TAF5L: variants seen among roughly 807,000 people sequenced by gnomAD.
TAF5L encodes TAF5-like RNA polymerase II p300/CBP-associated factor-associated factor 65 kDa subunit 5L.
In TAF5L, 7 loss-of-function variants were observed where a neutral mutation model predicts 51.3. The observed-to-expected ratio is 0.14, with a 90% CI of 0.08 to 0.26. TAF5L has a LOEUF of 0.26. TAF5L is among the 10% of genes least tolerant of loss of function. The pLI, the probability that TAF5L is intolerant of heterozygous loss-of-function variation, is 1.00. For synonymous variants in TAF5L, 291 were observed against 308.1 expected, an observed-to-expected ratio of 0.94 and a Z score of 0.58; for missense variants, 575 against 758.9, an observed-to-expected ratio of 0.76 and a Z score of 2.85.
intron 3 of TAF5L, among the ~76,000 whole-genome samples, chr1:229,605,433 G>A (rs1223795151): frequency 6.6e-6 from 1 of 152,124 alleles, no homozygotes; most frequent in Non-Finnish European, 1.5e-5. Context: ...TAGGTTAGGT[G>A]GAAGTATGAA....
intron 3 of TAF5L, chr1:229,606,059 A>G (rs1385011452): frequency 2.5e-6 from 2 of 811,758 alleles, no homozygotes; most frequent in African/African-American, 3.7e-5. Context: ...ATTTCAATTG[A>G]GTAAGTTTAG....
At chr1:229,609,996 C>T in intron 3 of TAF5L, 110 bp downstream of exon 3, 12 of 826,460 alleles carry the variant, frequency 1.5e-5, no homozygotes, top group Admixed American at 8.5e-5. Flanking sequence ...TTTAATTTTT[C>T]TTTTTACCGC....
intron 4 of TAF5L, among the ~76,000 whole-genome samples, chr1:229,597,411 G>A (rs984159023): frequency 1.3e-4 from 20 of 152,222 alleles, no homozygotes; most frequent in African/African-American, 4.1e-4. Flanking sequence ...TGGTGGAAAC[G>A]TGTCCAGCTG....
chr1:229,606,301 TG>T (rs1431408006), intron 3 of TAF5L: 14 of 825,798 alleles, frequency 1.7e-5, no homozygotes, highest in Non-Finnish European at 1.8e-5. Context: ...TGTATTTTAC[TG>T]AAAGTGTACT....
chr1:229,600,041 CTATTT>C (rs1268543587), intron 4 of TAF5L: 1 of 982,080 alleles, frequency 1.0e-6, no homozygotes, highest in African/African-American at 1.8e-5. Flanking sequence ...TTAAGAGTCT[CTATTT>C]TATTTTTTTT....
At chr1:229,607,021 T>G in intron 3 of TAF5L, 1 of 985,444 alleles carries the variant, frequency 1.0e-6, no homozygotes, top group Non-Finnish European at 1.2e-6. Context: ...TTATTACAAG[T>G]CTTTATCTTT....
At position 229,606,296 on chromosome 1, in the gene TAF5L, T is replaced by C. The variant is rs920460694; in HGVS notation, c.248-3377A>G. On this transcript the variant is annotated intron_variant, in intron 3 of 4. Transcript: ENST00000258281. ...CCTTGCAATCTAACATACTCTGTAT[T>C]TTACTGAAAGTGTACTCACTTAAAA... is the stretch of plus-strand genomic sequence containing the variant. 2.2e-5 allele frequency: 18 copies of C among 829,438 alleles called. No individual in the cohort carries two copies. The East Asian group carries it at 8.6e-4, about 40-fold the overall frequency. 51.4% of individuals were successfully genotyped at this position (829,438 alleles called of 1,614,324 possible). A position where few individuals can be genotyped will look rare whatever the true frequency, so the allele number is the denominator to read the frequency against.
intron 3 of TAF5L, among the ~76,000 whole-genome samples, chr1:229,608,226 G>A (rs1253774480): frequency 6.6e-6 from 1 of 152,076 alleles, no homozygotes; most frequent in African/African-American, 2.4e-5. Flanking sequence ...TGGAGAAAAT[G>A]GTCAAAATAT....
intron 4 of TAF5L, 28 bp from the exon 5 acceptor site, chr1:229,595,122 A>C: frequency 6.5e-7 from 1 of 1,540,274 alleles, no homozygotes; most frequent in Non-Finnish European, 8.7e-7. Flanking sequence ...GGGTGGGAAA[A>C]GAAACACACA....
chr1:229,619,153 A>G (rs1219478940), intron 1 of TAF5L, among the ~76,000 whole-genome samples: 3 of 152,264 alleles, frequency 2.0e-5, no homozygotes, highest in Admixed American at 6.5e-5. Flanking sequence ...TGGTTGTAAC[A>G]TCAAAAGATC....
At chr1:229,595,853 T>C (rs1019921577) in intron 4 of TAF5L, among the ~76,000 whole-genome samples, 7 of 152,110 alleles carry the variant, frequency 4.6e-5, no homozygotes, top group African/African-American at 1.7e-4. Context: ...TTAGTAGAGA[T>C]GGGGTTTCTC....
chr1:229,594,988 C>G lies in TAF5L; in HGVS notation c.1079G>C (p.Cys360Ser). ...GTATCTGATGGACATGTCTTCAGAA[C>G]AAGAGAGCAACCCTGAGCTGTCCGC... is the stretch of plus-strand genomic sequence containing the variant. The change falls in exon 5 of 5, where the codon TGT becomes TCT. Residue 360 changes from cysteine to serine, a missense_variant. Physicochemically the swap from Cys to Ser is moderately radical, Grantham distance 112. Transcript: ENST00000258281. The surrounding 1 kb of genome is among the most constrained non-coding windows in gnomAD (Gnocchi z 7.9). The G allele has an allele frequency of 6.2e-7, 1 of 1,614,200 alleles. No individual in the cohort carries two copies. Among genetic ancestry groups the G allele is most frequent in the East Asian group, 2.2e-5 (1 of 44,888 alleles).
upstream of TAF5L, chr1:229,626,053 G>T: frequency 6.6e-6 from 1 of 151,484 alleles, no homozygotes; most frequent in South Asian, 1.8e-4. Flanking sequence ...GCCGCTCCAT[G>T]ACTGACTGAC....
At chr1:229,616,456 T>C (rs1665009182) in intron 1 of TAF5L, among the ~76,000 whole-genome samples, 1 of 152,102 alleles carries the variant, frequency 6.6e-6, no homozygotes, top group Non-Finnish European at 1.5e-5. Flanking sequence ...TTCTCCTTCC[T>C]TAGTCTCCCA....
At chr1:229,593,935 T>C in exon 5 of TAF5L, 1 of 215,154 alleles carries the variant, frequency 4.6e-6, no homozygotes, top group Non-Finnish European at 9.4e-6. Context: ...GCGCCACTTC[T>C]CCTGAGGGTG....
chr1:229,600,568 C>G, intron 4 of TAF5L: 1 of 985,510 alleles, frequency 1.0e-6, no homozygotes, highest in Non-Finnish European at 1.2e-6. Flanking sequence ...TCCTTTGCCA[C>G]TGCCACTACC....
At chr1:229,615,133 G>A (rs1664933093) in intron 1 of TAF5L, among the ~76,000 whole-genome samples, 1 of 152,036 alleles carries the variant, frequency 6.6e-6, no homozygotes, top group South Asian at 2.1e-4. Flanking sequence ...TGTCGCCCAG[G>A]CTGGAGTGCA....
intron 4 of TAF5L, among the ~76,000 whole-genome samples, 171 bp from the exon 5 acceptor site, chr1:229,595,265 A>G (rs1259386808): frequency 1.3e-5 from 2 of 152,246 alleles, no homozygotes; most frequent in Non-Finnish European, 2.9e-5. Context: ...CCCCAGGAAG[A>G]TAACTCATAA....
chr1:229,614,753 ACT>A (rs1019779986), intron 1 of TAF5L, among the ~76,000 whole-genome samples: 21 of 152,170 alleles, frequency 1.4e-4, no homozygotes, highest in African/African-American at 4.6e-4. Context: ...TCACCCCCAA[ACT>A]CTGTTTAATA....
Sources: allele counts gnomAD v4.1 joint callset (sites outside exome capture counted in the v4.1 genomes callset), GRCh38; gene constraint gnomAD v4.1.1; non-coding constraint Gnocchi (gnomAD v3.1); transcripts MANE v1.5; gene names NCBI Gene and HGNC (gene_info 2026-07-23, HGNC 2026-07-21).